RPH3AL: variants seen among roughly 807,000 people sequenced by gnomAD.
RPH3AL encodes rabphilin 3A like (without C2 domains).
RPH3AL carries 38 observed loss-of-function variants against 43.1 expected under a neutral mutation model. The ratio of observed to expected loss-of-function variants is 0.88; its 90% CI spans 0.68 to 1.15. The LOEUF (loss-of-function observed/expected upper bound fraction) is 1.15, where lower values mean the gene tolerates loss of function less well. Ranked by LOEUF, RPH3AL falls within the 50% of genes most tolerant of loss-of-function variation. RPH3AL has a pLI of 0.00. For missense variants in RPH3AL, 462 were observed against 423.2 expected (o/e 1.09, Z -0.81); for synonymous variants, 189 against 176.3 (o/e 1.07, Z -0.57).
chr17:226,427 CTG>C (rs2041108344), intron 7 of RPH3AL, among the ~76,000 whole-genome samples: 1 of 152,262 alleles, frequency 6.6e-6, no homozygotes, highest in South Asian at 2.1e-4. Context: ...TCTCTGCTCA[CTG>C]TGTTGGGATT....
At chr17:234,804 C>T (rs911503871) in intron 7 of RPH3AL, among the ~76,000 whole-genome samples, 8 of 152,150 alleles carry the variant, frequency 5.3e-5, no homozygotes, top group African/African-American at 1.9e-4. Flanking sequence ...GGGGAGTGGG[C>T]TGGGGGTGAG....
intron 6 of RPH3AL, among the ~76,000 whole-genome samples, chr17:254,520 C>T (rs1298034915): frequency 2.1e-4 from 2 of 9,682 alleles, no homozygotes; most frequent in Non-Finnish European, 3.3e-4. Context: ...AGCTGCACGG[C>T]GTCTGTCCTT....
chr17:240,747 G>C (rs1243137724), intron 7 of RPH3AL, among the ~76,000 whole-genome samples: 5 of 152,098 alleles, frequency 3.3e-5, no homozygotes, highest in Admixed American at 3.3e-4. Flanking sequence ...GTGAACAATT[G>C]TGTCCTTATG....
chr17:234,871 G>T (rs1410802352), intron 7 of RPH3AL, among the ~76,000 whole-genome samples: 1 of 152,220 alleles, frequency 6.6e-6, no homozygotes, highest in African/African-American at 2.4e-5. Flanking sequence ...AGAGAAGGAA[G>T]GCGGCATAGC....
At chr17:315,532 G>GACCCCAC (rs2043985263) in intron 5 of RPH3AL, among the ~76,000 whole-genome samples, 45 of 149,308 alleles carry the variant, frequency 3.0e-4, no homozygotes, top group South Asian at 4.2e-4. Context: ...TAGTCCCTGT[G>GACCCCAC]CTCCCACCTC....
chr17:350,224 C>T (rs1222952301), intron 1 of RPH3AL, among the ~76,000 whole-genome samples: 11 of 152,156 alleles, frequency 7.2e-5, no homozygotes, highest in Non-Finnish European at 1.3e-4. Flanking sequence ...CGGTGGCTCA[C>T]GCCTGTAATC....
intron 5 of RPH3AL, among the ~76,000 whole-genome samples, chr17:284,513 C>G (rs768244745): frequency 2.0e-5 from 3 of 152,006 alleles, no homozygotes; most frequent in African/African-American, 4.8e-5. Context: ...TTGCTGGGGT[C>G]GTGAGTGTGG....
At chr17:332,987 G>T in intron 2 of RPH3AL, 1 of 1,278,818 alleles carries the variant, frequency 7.8e-7, no homozygotes. Context: ...AAAATTCCTA[G>T]GGGACAGAGG....
intron 1 of RPH3AL, among the ~76,000 whole-genome samples, chr17:335,078 C>A (rs1200380401): frequency 6.6e-6 from 1 of 152,204 alleles, no homozygotes; most frequent in Non-Finnish European, 1.5e-5. Context: ...CAGGGTCCGA[C>A]CCACGGTGAG....
At chr17:249,851 G>C (rs560564833) in intron 6 of RPH3AL, among the ~76,000 whole-genome samples, 2 of 148,214 alleles carry the variant, frequency 1.3e-5, no homozygotes, top group South Asian at 4.3e-4. Flanking sequence ...CCTTTACCAA[G>C]CTCCGTCGCT....
intron 5 of RPH3AL, among the ~76,000 whole-genome samples, chr17:284,655 A>G (rs985359048): frequency 6.6e-6 from 1 of 152,084 alleles, no homozygotes; most frequent in African/African-American, 2.4e-5. Context: ...TGCACCCCAC[A>G]GGTGCCCTCG....
chr17:267,995 G>A (rs115817748), intron 6 of RPH3AL, among the ~76,000 whole-genome samples: 1,981 of 152,142 alleles, frequency 0.013, 59 homozygotes, highest in African/African-American at 0.045. Context: ...AGAAGCTCCC[G>A]TAAACCCACC....
At chr17:270,796 T>A (rs1004876860) in intron 6 of RPH3AL, among the ~76,000 whole-genome samples, 1 of 152,208 alleles carries the variant, frequency 6.6e-6, no homozygotes, top group African/African-American at 2.4e-5. Flanking sequence ...CCCATTTGTC[T>A]ATTTTGGCTT....
rs541684029 is a variant in RPH3AL, at chr17:246,950, G to A, written c.613+161C>T. On this transcript the variant is annotated intron_variant, in intron 7 of 9. Coordinates refer to ENST00000331302, the MANE Select transcript of RPH3AL (RefSeq NM_006987.4). This position sits in a 1 kb window ranked among gnomAD's most constrained non-coding sequence, Gnocchi z 4.8. ...TGCTGGAGGTCCCCGCTGCTCACTCGGGAGAAGGTGTGGAGCTGAGGGCAC... is the reference window on the plus strand; with the variant it reads ...TGCTGGAGGTCCCCGCTGCTCACTCAGGAGAAGGTGTGGAGCTGAGGGCAC... 1.1e-4 allele frequency among the ~76,000 whole-genome samples: 17 copies of A among 152,262 alleles called. No homozygotes were observed. Among genetic ancestry groups the A allele is most frequent in the South Asian group, 4.1e-4 (2 of 4,826 alleles).
intron 7 of RPH3AL, 61 bp downstream of exon 7, chr17:247,050 C>T (rs2041782543): frequency 1.1e-5 from 17 of 1,590,610 alleles, no homozygotes; most frequent in Middle Eastern, 1.7e-4. Flanking sequence ...TGCAAACTGC[C>T]GGGCTGGCTA....
At chr17:316,028 C>G (rs1555520099) in intron 5 of RPH3AL, among the ~76,000 whole-genome samples, 1 of 151,924 alleles carries the variant, frequency 6.6e-6, no homozygotes, top group African/African-American at 2.4e-5. Context: ...GTGCCCCCAC[C>G]TCCATTGACC....
Position 290,909 on chromosome 17 carries a change from ATGAG to A in RPH3AL, c.352-9059_352-9056del, listed in dbSNP as rs879461793. Reference sequence around the variant, plus strand: ...ATCCATGGCACAGAGAGGGCTGTTCATGAGCCTCACTCGACCGAAAAGGGTGAAA... The same window carrying A: ...ATCCATGGCACAGAGAGGGCTGTTCACCTCACTCGACCGAAAAGGGTGAAA... On this transcript the variant is annotated intron_variant, in intron 5 of 9. Transcript: ENST00000331302. This position sits in a 1 kb window ranked among gnomAD's most constrained non-coding sequence, Gnocchi z 4.2. Among the ~76,000 whole-genome samples, 5 of 152,132 alleles carry A rather than the reference ATGAG, an allele frequency of 3.3e-5. No individual in the cohort carries two copies. Among genetic ancestry groups the A allele is most frequent in the South Asian group, 2.1e-4 (1 of 4,828 alleles).
At chr17:308,787 C>T (rs1340564021) in intron 5 of RPH3AL, among the ~76,000 whole-genome samples, 1 of 152,186 alleles carries the variant, frequency 6.6e-6, no homozygotes, top group Non-Finnish European at 1.5e-5. Context: ...CTTTGAGTAG[C>T]AGAGACCCCA....
At chr17:291,601 G>C (rs577748379) in intron 5 of RPH3AL, among the ~76,000 whole-genome samples, 3 of 152,170 alleles carry the variant, frequency 2.0e-5, no homozygotes, top group African/African-American at 7.2e-5. Flanking sequence ...AGCATAATGA[G>C]AGCCTCCACG....
Sources: allele counts gnomAD v4.1 joint callset (sites outside exome capture counted in the v4.1 genomes callset), GRCh38; gene constraint gnomAD v4.1.1; non-coding constraint Gnocchi (gnomAD v3.1); transcripts MANE v1.5; gene names NCBI Gene and HGNC (gene_info 2026-07-23, HGNC 2026-07-21).